Variants in ZRANB3 observed in about 807,000 individuals in gnomAD.
The protein encoded by ZRANB3 is DNA annealing helicase and endonuclease ZRANB3.
ZRANB3 carries 125 observed loss-of-function variants against 133.8 expected under a neutral mutation model. The ratio of observed to expected loss-of-function variants is 0.93; its 90% CI spans 0.81 to 1.08. The LOEUF is 1.08. ZRANB3 is among the 50% of genes least tolerant of loss of function. The pLI, the probability that ZRANB3 is intolerant of heterozygous loss-of-function variation, is 0.00. For synonymous variants in ZRANB3, 387 were observed against 432.7 expected (o/e 0.89, Z 1.31); for missense variants, 1,229 against 1,275.5 (o/e 0.96, Z 0.56).
intron 3 of ZRANB3, among the ~76,000 whole-genome samples, chr2:135,378,364 G>C (rs559293883): frequency 6.6e-6 from 1 of 152,048 alleles, no homozygotes; most frequent in Admixed American, 6.5e-5. Flanking sequence ...GTAGTGGTGG[G>C]TGCCTGTAAT....
At chr2:135,302,899 C>A (rs957710547) in intron 8 of ZRANB3, among the ~76,000 whole-genome samples, 1 of 152,064 alleles carries the variant, frequency 6.6e-6, no homozygotes, top group South Asian at 2.1e-4. Context: ...CTTAAGCAAG[C>A]ATTCTGTATT....
chr2:135,473,911 A>C (rs1372484985), intron 2 of ZRANB3, among the ~76,000 whole-genome samples: 1 of 152,168 alleles, frequency 6.6e-6, no homozygotes, highest in Non-Finnish European at 1.5e-5. Flanking sequence ...TAGGACACAC[A>C]CAGAGGCTCA....
chr2:135,482,369 T>A (rs1450821073), intron 2 of ZRANB3, among the ~76,000 whole-genome samples: 4 of 144,602 alleles, frequency 2.8e-5, no homozygotes, highest in Non-Finnish European at 5.9e-5. Context: ...TTTTATTCTC[T>A]TTGAAGCAAT....
At chr2:135,513,770 A>C (rs1693580787) in intron 1 of ZRANB3, among the ~76,000 whole-genome samples, 1 of 152,190 alleles carries the variant, frequency 6.6e-6, no homozygotes, top group African/African-American at 2.4e-5. Context: ...CTTATGTTTA[A>C]GTCTTTAATC....
intron 8 of ZRANB3, among the ~76,000 whole-genome samples, chr2:135,304,086 T>C (rs1468100335): frequency 6.6e-6 from 1 of 152,200 alleles, no homozygotes; most frequent in Non-Finnish European, 1.5e-5. Context: ...GTACACCTTG[T>C]ATTTCTTTTT....
At chr2:135,406,238 C>T (rs1285001765) in intron 2 of ZRANB3, among the ~76,000 whole-genome samples, 1 of 152,128 alleles carries the variant, frequency 6.6e-6, no homozygotes, top group African/African-American at 2.4e-5. Context: ...TGGATAAATT[C>T]CTTGACACAT....
At chr2:135,496,228 C>T (rs539479392) in intron 2 of ZRANB3, among the ~76,000 whole-genome samples, 1 of 151,768 alleles carries the variant, frequency 6.6e-6, no homozygotes, top group Non-Finnish European at 1.5e-5. Context: ...ACTAAAAATA[C>T]AAAACATTAG....
chr2:135,447,219 A>C (rs1328365739), intron 2 of ZRANB3, among the ~76,000 whole-genome samples: 1 of 151,982 alleles, frequency 6.6e-6, no homozygotes, highest in African/African-American at 2.4e-5. Flanking sequence ...TTGTATTTTT[A>C]GTAGAGATGG....
intron 2 of ZRANB3, among the ~76,000 whole-genome samples, chr2:135,448,284 T>C (rs746237601): frequency 2.0e-5 from 3 of 152,194 alleles, no homozygotes; most frequent in Non-Finnish European, 4.4e-5. Flanking sequence ...CCAATTTTAA[T>C]GAAAACCACT....
At chr2:135,386,416 T>C (rs556833987) in intron 3 of ZRANB3, among the ~76,000 whole-genome samples, 2 of 152,296 alleles carry the variant, frequency 1.3e-5, no homozygotes, top group African/African-American at 4.8e-5. Context: ...AGTTCAACCA[T>C]TGTGGAAGAC....
At chr2:135,337,461 G>A (rs778060696) in intron 6 of ZRANB3, among the ~76,000 whole-genome samples, 3 of 152,130 alleles carry the variant, frequency 2.0e-5, no homozygotes, top group Admixed American at 6.5e-5. Flanking sequence ...GAAGGAAGAC[G>A]GGGTAGACAA....
chr2:135,349,968 A>G lies in ZRANB3; in HGVS notation c.591+16T>C, dbSNP rs1251862513. 3 of 1,610,308 alleles carry G rather than the reference A, an allele frequency of 1.9e-6. No homozygotes were observed. Among genetic ancestry groups the G allele is most frequent in the African/African-American group, 1.3e-5 (1 of 74,892 alleles). ...CCTTCTCTTCTTTTAAGTTCGAAGT[A>G]TAAGGATTGTAATACCTCTTCAGGC... is the stretch of plus-strand genomic sequence containing the variant. On this transcript the variant is annotated intron_variant, in intron 5 of 20. Coordinates refer to ENST00000264159, the MANE Select transcript of ZRANB3 (RefSeq NM_032143.4).
intron 2 of ZRANB3, among the ~76,000 whole-genome samples, chr2:135,455,589 CTTTTTTTTTTT>C (rs929421233): frequency 7.9e-6 from 1 of 126,476 alleles, no homozygotes; most frequent in African/African-American, 3.0e-5. Flanking sequence ...TGATTTTTTT[CTTTTTTTTTTT>C]TTTTTTTTTG....
chr2:135,263,960 A>AT (rs1488278090), intron 12 of ZRANB3, among the ~76,000 whole-genome samples: 4 of 128,244 alleles, frequency 3.1e-5, no homozygotes, highest in East Asian at 2.2e-4. Context: ...TTTTTTTTGT[A>AT]TTTTTTTAGT....
intron 6 of ZRANB3, among the ~76,000 whole-genome samples, chr2:135,339,546 C>T (rs538152060): frequency 1.3e-5 from 2 of 152,318 alleles, no homozygotes; most frequent in East Asian, 3.9e-4. Flanking sequence ...TGTGCCACTG[C>T]ACTCCAACCT....
intron 2 of ZRANB3, among the ~76,000 whole-genome samples, chr2:135,422,535 AG>A (rs905634182): frequency 1.3e-5 from 2 of 152,086 alleles, no homozygotes; most frequent in African/African-American, 2.4e-5. Flanking sequence ...GGACAGAAGG[AG>A]AAAAAAGCAA....
chr2:135,395,821 A>T (rs2104932348), intron 2 of ZRANB3, among the ~76,000 whole-genome samples: 1 of 152,294 alleles, frequency 6.6e-6, no homozygotes, highest in African/African-American at 2.4e-5. Flanking sequence ...GACAAATGGG[A>T]TCACATCAAG....
intron 1 of ZRANB3, among the ~76,000 whole-genome samples, chr2:135,512,193 G>C (rs1333311785): frequency 6.6e-6 from 1 of 151,890 alleles, no homozygotes; most frequent in Non-Finnish European, 1.5e-5. Flanking sequence ...GCTTGGTATG[G>C]TACGCAACAC....
At chr2:135,442,994 T>C (rs1379920380) in intron 2 of ZRANB3, among the ~76,000 whole-genome samples, 1 of 151,818 alleles carries the variant, frequency 6.6e-6, no homozygotes, top group African/African-American at 2.4e-5. Context: ...CGGGCGCCTG[T>C]AGTCCCAGCT....
Sources: allele counts gnomAD v4.1 joint callset (sites outside exome capture counted in the v4.1 genomes callset), GRCh38; gene constraint gnomAD v4.1.1; transcripts MANE v1.5; gene names NCBI Gene and HGNC (gene_info 2026-07-23, HGNC 2026-07-21).